CCDC181: variants seen among roughly 807,000 people sequenced by gnomAD.
CCDC181 encodes the protein coiled-coil domain-containing protein 181.
In CCDC181, 35 loss-of-function variants were observed where a neutral mutation model predicts 58.7. That is an observed-to-expected ratio of 0.60 (90% CI 0.46 to 0.79). The LOEUF (loss-of-function observed/expected upper bound fraction) is 0.79. Among genes scored for constraint, CCDC181 ranks in the 30% least tolerant of loss-of-function variants. CCDC181 has a pLI of 0.00. For synonymous variants in CCDC181, 183 were observed against 197.5 expected (o/e 0.93, Z 0.62); for missense variants, 517 against 583.9 (o/e 0.89, Z 1.18).
chr1:169,418,951 T>C (rs1445018161), intron 4 of CCDC181, 62 bp downstream of exon 4: 4 of 1,379,302 alleles, frequency 2.9e-6, no homozygotes, highest in Non-Finnish European at 3.1e-6. Context: ...CAGACTCCCT[T>C]CTATAAATAA....
At chr1:169,444,583 A>G (rs1301951715) in intron 2 of CCDC181, among the ~76,000 whole-genome samples, 1 of 152,192 alleles carries the variant, frequency 6.6e-6, no homozygotes, top group Non-Finnish European at 1.5e-5. Context: ...ATAGTTTGAC[A>G]AACTACACTT....
intron 4 of CCDC181, among the ~76,000 whole-genome samples, chr1:169,402,985 A>G (rs1253230639): frequency 6.8e-6 from 1 of 147,638 alleles, no homozygotes; most frequent in Non-Finnish European, 1.5e-5. Context: ...AAACAAACAA[A>G]AAAAAAAAAA....
chr1:169,457,978 T>C (rs1657724086), intron 2 of CCDC181, among the ~76,000 whole-genome samples: 1 of 152,140 alleles, frequency 6.6e-6, no homozygotes, highest in Non-Finnish European at 1.5e-5. Flanking sequence ...ATTGTATTGA[T>C]AGATTCTTTT....
At position 169,418,822 on chromosome 1, in the gene CCDC181, C is replaced by A. The variant is rs1656328849; in HGVS notation, c.1215+191G>T. 9.6e-6 allele frequency: 5 copies of A among 520,852 alleles called. No individual in the cohort carries two copies. The Admixed American group carries it at 1.9e-4, about 19-fold the overall frequency. The allele number at this position is 520,852 out of a possible 1,614,324, so 32.3% of individuals were successfully genotyped here. ...ATCAAAGTCTGAACAAAATAGGAAT[C>A]ATTTTATTTTCACAAGACCTCTTAG... On this transcript the variant is annotated intron_variant, in intron 4 of 5. Coordinates refer to ENST00000367806, the MANE Select transcript of CCDC181 (RefSeq NM_001300969.2).
At chr1:169,423,063 T>TTTTA (rs1553206501) in intron 2 of CCDC181, among the ~76,000 whole-genome samples, 13 of 34,462 alleles carry the variant, frequency 3.8e-4, no homozygotes, top group Non-Finnish European at 8.1e-4. Flanking sequence ...TATAAATATT[T>TTTTA]TATATATATA....
chr1:169,417,215 A>G (rs959502684), intron 4 of CCDC181, among the ~76,000 whole-genome samples: 2 of 152,156 alleles, frequency 1.3e-5, no homozygotes, highest in African/African-American at 4.8e-5. Flanking sequence ...CCATGGGTTA[A>G]GGGCTCAATC....
intron 2 of CCDC181, among the ~76,000 whole-genome samples, chr1:169,457,284 A>G (rs971592999): frequency 6.6e-6 from 1 of 152,050 alleles, no homozygotes; most frequent in Non-Finnish European, 1.5e-5. Flanking sequence ...GTTTTTCGTC[A>G]GTTTTGCTAA....
intron 2 of CCDC181, among the ~76,000 whole-genome samples, chr1:169,447,448 AC>A (rs1193998869): frequency 6.6e-6 from 1 of 152,146 alleles, no homozygotes; most frequent in African/African-American, 2.4e-5. Context: ...CTCAAATGTA[AC>A]CTATTTTAAT....
At chr1:169,407,002 T>G (rs1655697313) in intron 4 of CCDC181, among the ~76,000 whole-genome samples, 1 of 150,204 alleles carries the variant, frequency 6.7e-6, no homozygotes, top group Admixed American at 6.6e-5. Flanking sequence ...ATAGCAAGTC[T>G]TCTAACATAC....
chr1:169,398,458 C>A (rs1655171407), intron 4 of CCDC181, among the ~76,000 whole-genome samples: 1 of 152,172 alleles, frequency 6.6e-6, no homozygotes, highest in African/African-American at 2.4e-5. Flanking sequence ...TTCAAGGATT[C>A]AGGGAGCAAC....
chr1:169,413,257 CAT>C (rs529668659), intron 4 of CCDC181, among the ~76,000 whole-genome samples: 129 of 152,098 alleles, frequency 8.5e-4, no homozygotes, highest in Non-Finnish European at 1.6e-3. Context: ...AGCCAATAGA[CAT>C]ATGAAAGAAA....
chr1:169,401,278 T>G (rs928984740), intron 4 of CCDC181, among the ~76,000 whole-genome samples: 1 of 152,186 alleles, frequency 6.6e-6, no homozygotes, highest in Non-Finnish European at 1.5e-5. Flanking sequence ...AACGTCCCAG[T>G]CTGACAGCTT....
chr1:169,449,325 G>C (rs954388081), intron 2 of CCDC181, among the ~76,000 whole-genome samples: 6 of 152,194 alleles, frequency 3.9e-5, no homozygotes, highest in Admixed American at 3.9e-4. Context: ...GATGTTTGCT[G>C]AAGTTGCACA....
rs1445069684 is a variant in CCDC181, at chr1:169,405,175, A to C, written c.1216-7784T>G. 2.6e-5 allele frequency among the ~76,000 whole-genome samples: 4 copies of C among 152,330 alleles called. No individual in the cohort carries two copies. The East Asian group carries it at 7.7e-4, about 29-fold the overall frequency. On this transcript the variant is annotated intron_variant, in intron 4 of 5. Coordinates refer to ENST00000367806, the MANE Select transcript of CCDC181 (RefSeq NM_001300969.2). ...AAATAAGAGGACACAAACAAATGGAAGAACATTCCATGTTCATAGATAGTA... is the reference window on the plus strand; with the variant it reads ...AAATAAGAGGACACAAACAAATGGACGAACATTCCATGTTCATAGATAGTA...
intron 2 of CCDC181, among the ~76,000 whole-genome samples, chr1:169,446,650 C>G (rs188694974): frequency 6.6e-6 from 1 of 152,066 alleles, no homozygotes; most frequent in African/African-American, 2.4e-5. Flanking sequence ...AAATTAAATA[C>G]CAATGCTCTA....
chr1:169,401,835 A>G (rs1297336414), intron 4 of CCDC181, among the ~76,000 whole-genome samples: 1 of 152,218 alleles, frequency 6.6e-6, no homozygotes, highest in Non-Finnish European at 1.5e-5. Flanking sequence ...GCTTCAGACA[A>G]TCGGTAATAA....
At chr1:169,457,762 A>C (rs1297886902) in intron 2 of CCDC181, among the ~76,000 whole-genome samples, 3 of 152,156 alleles carry the variant, frequency 2.0e-5, no homozygotes, top group African/African-American at 7.2e-5. Flanking sequence ...TAAATATACA[A>C]AAAAGAACAT....
intron 2 of CCDC181, among the ~76,000 whole-genome samples, chr1:169,434,068 C>A (rs1281671087): frequency 4.0e-5 from 6 of 151,870 alleles, no homozygotes; most frequent in Non-Finnish European, 8.8e-5. Flanking sequence ...ATATCCATAA[C>A]AAATAGAGAC....
chr1:169,413,643 GA>G (rs566651494), intron 4 of CCDC181, among the ~76,000 whole-genome samples: 195 of 152,280 alleles, frequency 1.3e-3, no homozygotes, highest in Non-Finnish European at 2.2e-3. Context: ...TGACAGACTG[GA>G]GAAAGAAAAT....
Sources: gnomAD v4.1 joint callset for allele counts (sites outside exome capture counted in the v4.1 genomes callset) on GRCh38, gnomAD v4.1.1 for gene constraint, MANE v1.5 for transcripts, NCBI Gene and HGNC (gene_info 2026-07-23, HGNC 2026-07-21) for gene names.